Variants in PLEKHG1 observed in about 807,000 individuals in gnomAD.
PLEKHG1 encodes the protein pleckstrin homology domain-containing family G member 1.
In PLEKHG1, 44 loss-of-function variants were observed where a neutral mutation model predicts 100.8. The observed-to-expected ratio is 0.44, with a 90% CI of 0.34 to 0.56. PLEKHG1 has a LOEUF of 0.56. Among genes scored for constraint, PLEKHG1 ranks in the 20% least tolerant of loss-of-function variants. The probability of loss-of-function intolerance (pLI) is 0.01; values close to 1 mark genes in which losing one functional copy is unlikely to be tolerated. For missense variants in PLEKHG1, 1,545 were observed against 1,720.9 expected (o/e 0.90, Z 1.81); for synonymous variants, 640 against 662.5 (o/e 0.97, Z 0.52).
At chr6:150,698,101 T>G (rs963984685) in intron 3 of PLEKHG1, among the ~76,000 whole-genome samples, 1 of 152,224 alleles carries the variant, frequency 6.6e-6, no homozygotes, top group African/African-American at 2.4e-5. Flanking sequence ...GAATATTTGC[T>G]TTACATAATG....
chr6:150,636,960 C>A (rs561774612), intron 1 of PLEKHG1, among the ~76,000 whole-genome samples: 16 of 152,298 alleles, frequency 1.1e-4, no homozygotes, highest in African/African-American at 3.8e-4. Flanking sequence ...TACCCTATGA[C>A]TAAGATGTCA....
At chr6:150,726,471 A>G (rs1487822970) in intron 1 of PLEKHG1, among the ~76,000 whole-genome samples, 1 of 152,144 alleles carries the variant, frequency 6.6e-6, no homozygotes, top group Non-Finnish European at 1.5e-5. Flanking sequence ...TTTTTGAGCT[A>G]TTTATTTTGA....
exon 2 of PLEKHG1, chr6:150,734,031 T>G (rs1172097606): frequency 6.2e-7 from 1 of 1,613,788 alleles, no homozygotes; most frequent in Non-Finnish European, 8.5e-7. Flanking sequence ...GTGGATAGAG[T>G]TGTTCAGGAA....
chr6:150,637,498 T>G (rs1444740780), intron 1 of PLEKHG1, among the ~76,000 whole-genome samples: 1 of 152,162 alleles, frequency 6.6e-6, no homozygotes, highest in Admixed American at 6.5e-5. Flanking sequence ...TATGCATAGA[T>G]GGTAAGCACT....
intron 3 of PLEKHG1, among the ~76,000 whole-genome samples, chr6:150,695,325 G>A (rs1159962247): frequency 6.6e-6 from 1 of 152,130 alleles, no homozygotes; most frequent in Non-Finnish European, 1.5e-5. Context: ...AGTCTAGCAC[G>A]TTGTCCTTTG....
At chr6:150,677,140 G>C (rs190299869) in intron 3 of PLEKHG1, among the ~76,000 whole-genome samples, 39 of 152,234 alleles carry the variant, frequency 2.6e-4, no homozygotes, top group Non-Finnish European at 3.5e-4. Flanking sequence ...TTCATTGAGA[G>C]TTGTCTTTTC....
chr6:150,758,370 C>G (rs1160700412), intron 2 of PLEKHG1, among the ~76,000 whole-genome samples: 1 of 147,342 alleles, frequency 6.8e-6, no homozygotes, highest in Non-Finnish European at 1.5e-5. Context: ...GAGTTTTACT[C>G]TTGTTGCCCA....
At chr6:150,747,294 T>G (rs1330313796) in intron 2 of PLEKHG1, among the ~76,000 whole-genome samples, 1 of 152,246 alleles carries the variant, frequency 6.6e-6, no homozygotes, top group African/African-American at 2.4e-5. Context: ...TACTTGCACC[T>G]TCGAAAACTG....
intron 2 of PLEKHG1, among the ~76,000 whole-genome samples, chr6:150,638,750 A>G (rs1438518043): frequency 1.3e-5 from 2 of 152,228 alleles, no homozygotes. Context: ...AAATTATTTT[A>G]TGTTCCAAAA....
At chr6:150,811,765 G>A (rs538885256) in intron 10 of PLEKHG1, among the ~76,000 whole-genome samples, 2 of 152,282 alleles carry the variant, frequency 1.3e-5, no homozygotes, top group African/African-American at 2.4e-5. Flanking sequence ...GGAGCCCCTG[G>A]AGGGCTGTGA....
At chr6:150,604,826 G>C (rs2128550370) in intron 1 of PLEKHG1, among the ~76,000 whole-genome samples, 1 of 152,314 alleles carries the variant, frequency 6.6e-6, no homozygotes, top group Non-Finnish European at 1.5e-5. Flanking sequence ...ACTGGATTGG[G>C]ATAAAGTCCA....
chr6:150,817,849 A>C (rs892968377), intron 10 of PLEKHG1, among the ~76,000 whole-genome samples: 5 of 151,682 alleles, frequency 3.3e-5, no homozygotes, highest in African/African-American at 4.8e-5. Flanking sequence ...GGCGTGAGCT[A>C]CCGCGCCCAG....
intron 2 of PLEKHG1, among the ~76,000 whole-genome samples, chr6:150,766,729 G>A (rs948876086): frequency 2.6e-5 from 4 of 152,222 alleles, no homozygotes; most frequent in South Asian, 2.1e-4. Flanking sequence ...TTCTTTGTCT[G>A]TAACCCCAGA....
At chr6:150,826,664 A>G (rs1409790041) in intron 14 of PLEKHG1, among the ~76,000 whole-genome samples, 4 of 151,866 alleles carry the variant, frequency 2.6e-5, no homozygotes, top group Admixed American at 6.6e-5. Context: ...TTAAACATTT[A>G]TTTATTTATT....
intron 1 of PLEKHG1, among the ~76,000 whole-genome samples, chr6:150,636,399 G>T (rs746899324): frequency 1.2e-4 from 18 of 152,064 alleles, no homozygotes; most frequent in Non-Finnish European, 2.2e-4. Flanking sequence ...ATGAACTCTG[G>T]TTTCTCCAGC....
intron 2 of PLEKHG1, among the ~76,000 whole-genome samples, chr6:150,761,255 G>A (rs1294944303): frequency 1.3e-5 from 2 of 151,564 alleles, no homozygotes; most frequent in East Asian, 1.9e-4. Flanking sequence ...ACAGGGATGC[G>A]CCACCATGCC....
intron 3 of PLEKHG1, among the ~76,000 whole-genome samples, chr6:150,674,650 T>C (rs1012970779): frequency 7.5e-6 from 1 of 132,892 alleles, no homozygotes; most frequent in Admixed American, 7.8e-5. Flanking sequence ...TCTCTCTCTC[T>C]CTCTCTCTCT....
At position 150,781,881 on chromosome 6, in the gene PLEKHG1, C is replaced by T. The variant is rs560168449; in HGVS notation, c.513-4509C>T. Among the ~76,000 whole-genome samples, 93 of 151,716 alleles carry T rather than the reference C, an allele frequency of 6.1e-4. 1 individual carries two copies. The highest frequency in any genetic ancestry group is 2.1e-3 in the African/African-American group (89 of 41,426). On this transcript the variant is annotated intron_variant, in intron 3 of 15. Coordinates refer to ENST00000358517, the Ensembl canonical transcript of PLEKHG1. ...CCACCTCCCGGGTTCACGCCATTCT[C>T]CTGCCTCAGCCTCCCAAATAGCTGG...
chr6:150,787,180 T>C (rs1300113181), intron 4 of PLEKHG1, among the ~76,000 whole-genome samples: 3 of 152,208 alleles, frequency 2.0e-5, no homozygotes, highest in African/African-American at 2.4e-5. Flanking sequence ...GCCTAGTCTC[T>C]ATAATTATCT....
Sources: allele counts gnomAD v4.1 joint callset (sites outside exome capture counted in the v4.1 genomes callset), GRCh38; gene constraint gnomAD v4.1.1; transcripts MANE v1.5; gene names NCBI Gene and HGNC (gene_info 2026-07-23, HGNC 2026-07-21).